The following RBFOX1 variants were observed in gnomAD, a reference collection of about 807,000 sequenced individuals.
RBFOX1 encodes the protein RNA binding fox-1 homolog 1, also known as RNA binding protein fox-1 homolog 1.
Under a neutral mutation model 57.7 loss-of-function variants are expected in RBFOX1, and 8 were observed. That is an observed-to-expected ratio of 0.14 (90% CI 0.08 to 0.25). The LOEUF (loss-of-function observed/expected upper bound fraction) is 0.25, where lower values mean the gene tolerates loss of function less well. Ranked by LOEUF, RBFOX1 falls within the 10% of genes least tolerant of loss-of-function variation. RBFOX1 has a pLI of 1.00. For missense variants in RBFOX1, 611 were observed against 548.5 expected, an observed-to-expected ratio of 1.11 and a Z score of -1.14; for synonymous variants, 326 against 222.4, an observed-to-expected ratio of 1.47 and a Z score of -4.15.
intron 1 of RBFOX1, among the ~76,000 whole-genome samples, chr16:6,083,313 T>C (rs1314778840): frequency 6.6e-6 from 1 of 152,188 alleles, no homozygotes; most frequent in East Asian, 1.9e-4. Flanking sequence ...CAAATGTTTT[T>C]ATACTAAGGT....
chr16:6,992,048 T>G (rs1481684008), intron 3 of RBFOX1, among the ~76,000 whole-genome samples: 1 of 152,176 alleles, frequency 6.6e-6, no homozygotes, highest in Non-Finnish European at 1.5e-5. Context: ...GTGGTCCACC[T>G]CTAGAAAATA....
intron 1 of RBFOX1, among the ~76,000 whole-genome samples, chr16:6,060,518 A>G (rs1007737310): frequency 1.3e-5 from 2 of 152,066 alleles, no homozygotes; most frequent in African/African-American, 4.8e-5. Context: ...CCTTTCACAG[A>G]GTGTATTTTC....
At chr16:7,124,561 C>CCCTCCCTCCCTT (rs1224678595) in intron 4 of RBFOX1, among the ~76,000 whole-genome samples, 2 of 129,222 alleles carry the variant, frequency 1.5e-5, no homozygotes, top group African/African-American at 6.1e-5. Flanking sequence ...CTCCCTCCCT[C>CCCTCCCTCCCTT]CCTTCCTTCC....
chr16:7,640,981 C>T (rs1330978860), intron 11 of RBFOX1, among the ~76,000 whole-genome samples: 1 of 151,178 alleles, frequency 6.6e-6, no homozygotes, highest in Non-Finnish European at 1.5e-5. Flanking sequence ...CAAGATCTTG[C>T]TTGGTTCTTG....
At chr16:5,340,314 A>G (rs917186415) in intron 1 of RBFOX1, among the ~76,000 whole-genome samples, 1 of 152,146 alleles carries the variant, frequency 6.6e-6, no homozygotes, top group African/African-American at 2.4e-5. Context: ...TGGTTTTCAG[A>G]GCTATTTCCT....
At position 6,096,485 on chromosome 16, in the gene RBFOX1, C is replaced by T. The variant is rs139498889; in HGVS notation, c.-127+76493C>T. Among the ~76,000 whole-genome samples the T allele has an allele frequency of 6.4e-3, 973 of 152,160 alleles. 10 individuals are homozygous for T. Among genetic ancestry groups the T allele is most frequent in the African/African-American group, 0.022 (917 of 41,514 alleles). On this transcript the variant is annotated intron_variant, in intron 1 of 15. Transcript: ENST00000550418. ...CCTGCATATCCCCTGTAGAACTTTG[C>T]GGATAGTTCATATTTTAGCAATGAT...
intron 2 of RBFOX1, among the ~76,000 whole-genome samples, chr16:6,598,870 C>T (rs1040959008): frequency 6.6e-6 from 1 of 152,132 alleles, no homozygotes; most frequent in Non-Finnish European, 1.5e-5. Flanking sequence ...CACTTGAATC[C>T]AGGAGATGGA....
At chr16:6,506,268 A>G (rs1173148622) in intron 2 of RBFOX1, among the ~76,000 whole-genome samples, 1 of 151,994 alleles carries the variant, frequency 6.6e-6, no homozygotes, top group Non-Finnish European at 1.5e-5. Flanking sequence ...GATGGGGGAG[A>G]GAATAGAGTG....
intron 2 of RBFOX1, among the ~76,000 whole-genome samples, chr16:6,321,069 C>G (rs1180487208): frequency 6.6e-6 from 1 of 152,166 alleles, no homozygotes; most frequent in Non-Finnish European, 1.5e-5. Flanking sequence ...GTTGGGATTA[C>G]AGGCATGAGC....
chr16:6,378,270 G>C (rs933170404), intron 2 of RBFOX1, among the ~76,000 whole-genome samples: 2 of 152,152 alleles, frequency 1.3e-5, no homozygotes, highest in Non-Finnish European at 1.5e-5. Context: ...CTTCCCCTCC[G>C]TGCTCACCTT....
At chr16:6,817,817 C>G (rs1186596228) in intron 3 of RBFOX1, among the ~76,000 whole-genome samples, 1 of 152,106 alleles carries the variant, frequency 6.6e-6, no homozygotes, top group East Asian at 1.9e-4. Context: ...AACTATAACT[C>G]AAGAATTCAT....
Position 7,301,150 on chromosome 16 carries a change from C to T in RBFOX1, c.28-216997C>T, listed in dbSNP as rs139924381. On this transcript the variant is annotated intron_variant, in intron 4 of 15. Coordinates refer to ENST00000550418, the MANE Select transcript of RBFOX1 (RefSeq NM_018723.4). ...TGGCAAAGTGTTGTCATCAAGTGAGCGATGATTGTGGATATGATGCTACCA... is the reference window on the plus strand; with the variant it reads ...TGGCAAAGTGTTGTCATCAAGTGAGTGATGATTGTGGATATGATGCTACCA... Among the ~76,000 whole-genome samples, 589 of 152,204 alleles carry T rather than the reference C, an allele frequency of 3.9e-3. 2 individuals are homozygous for T. The highest frequency in any genetic ancestry group is 0.013 in the African/African-American group (559 of 41,526).
intron 1 of RBFOX1, among the ~76,000 whole-genome samples, chr16:6,109,884 A>G (rs1057040551): frequency 6.6e-6 from 1 of 152,198 alleles, no homozygotes; most frequent in African/African-American, 2.4e-5. Flanking sequence ...CAGAGCAGAA[A>G]TCTTGTTGAA....
chr16:7,031,596 G>T (rs1157480001), intron 3 of RBFOX1, among the ~76,000 whole-genome samples: 2 of 142,230 alleles, frequency 1.4e-5, no homozygotes, highest in East Asian at 2.2e-4. Flanking sequence ...GTGAGACCCT[G>T]CCTAAAAAAA....
intron 3 of RBFOX1, among the ~76,000 whole-genome samples, chr16:6,937,420 T>A (rs2077563122): frequency 6.6e-6 from 1 of 152,192 alleles, no homozygotes; most frequent in Non-Finnish European, 1.5e-5. Flanking sequence ...TATAGTTTTC[T>A]ATGTGTTGGC....
chr16:6,855,416 G>C (rs139789882), intron 3 of RBFOX1, among the ~76,000 whole-genome samples: 1,787 of 152,014 alleles, frequency 0.012, 20 homozygotes, highest in Non-Finnish European at 0.019. Flanking sequence ...CTTTGGGAGG[G>C]TGAGGCGGGC....
At chr16:6,969,419 T>G (rs977262622) in intron 3 of RBFOX1, among the ~76,000 whole-genome samples, 1 of 150,220 alleles carries the variant, frequency 6.7e-6, no homozygotes, top group African/African-American at 2.5e-5. Context: ...AATGAATAAT[T>G]GTGATTTTGT....
intron 3 of RBFOX1, among the ~76,000 whole-genome samples, chr16:6,797,887 G>C (rs1188646789): frequency 6.6e-6 from 1 of 152,130 alleles, no homozygotes; most frequent in Non-Finnish European, 1.5e-5. Context: ...GTAGCTAGCT[G>C]ACTTTTGGAA....
At chr16:6,333,309 C>T (rs970000435) in intron 2 of RBFOX1, among the ~76,000 whole-genome samples, 6 of 152,254 alleles carry the variant, frequency 3.9e-5, no homozygotes, top group Middle Eastern at 3.4e-3. Context: ...CACCCCAAAG[C>T]GCTGGGATGA....
Sources: allele counts gnomAD v4.1 joint callset (sites outside exome capture counted in the v4.1 genomes callset), GRCh38; gene constraint gnomAD v4.1.1; transcripts MANE v1.5; gene names NCBI Gene and HGNC (gene_info 2026-07-23, HGNC 2026-07-21).